ANXA6: variants seen among roughly 807,000 people sequenced by gnomAD.
ANXA6 encodes the protein annexin A6, also known as 67 kDa calelectrin.
ANXA6 carries 71 observed loss-of-function variants against 95.4 expected under a neutral mutation model. The observed-to-expected ratio is 0.74, with a 90% CI of 0.61 to 0.91. The LOEUF (loss-of-function observed/expected upper bound fraction) is 0.91. Among genes scored for constraint, ANXA6 ranks in the 40% least tolerant of loss-of-function variants. The probability of loss-of-function intolerance (pLI) is 0.00; values close to 1 mark genes in which losing one functional copy is unlikely to be tolerated. For missense variants in ANXA6, 830 were observed against 876.4 expected (o/e 0.95, Z 0.67); for synonymous variants, 289 against 315.9 (o/e 0.91, Z 0.90).
chr5:151,128,636 CA>C (rs1329235165), intron 12 of ANXA6, among the ~76,000 whole-genome samples: 1 of 152,036 alleles, frequency 6.6e-6, no homozygotes, highest in Non-Finnish European at 1.5e-5. Context: ...GTTCCATGAG[CA>C]AAAATATTGG....
intron 1 of ANXA6, among the ~76,000 whole-genome samples, chr5:151,148,440 T>C (rs954833368): frequency 3.9e-5 from 6 of 152,178 alleles, no homozygotes; most frequent in Non-Finnish European, 7.4e-5. Flanking sequence ...AACCCAGAGC[T>C]TGACCGCCTG....
At chr5:151,147,954 A>G in intron 1 of ANXA6, 28 bp from the exon 2 acceptor site, 1 of 1,580,968 alleles carries the variant, frequency 6.3e-7, no homozygotes, top group Non-Finnish European at 8.6e-7. Context: ...AGCATGTGAG[A>G]TTCCCCCCAA....
intron 2 of ANXA6, among the ~76,000 whole-genome samples, chr5:151,143,740 G>A (rs1765898397): frequency 6.6e-6 from 1 of 152,104 alleles, no homozygotes; most frequent in Non-Finnish European, 1.5e-5. Context: ...CAAGTACAGG[G>A]CCTGGAGCAA....
At chr5:151,137,658 T>C (rs1765706659) in intron 5 of ANXA6, among the ~76,000 whole-genome samples, 1 of 152,196 alleles carries the variant, frequency 6.6e-6, no homozygotes. Flanking sequence ...TTGTGAGATC[T>C]GGTTGTTTAA....
chr5:151,135,587 TCA>T (rs1354366735), intron 7 of ANXA6, among the ~76,000 whole-genome samples: 2 of 152,166 alleles, frequency 1.3e-5, no homozygotes, highest in Non-Finnish European at 2.9e-5. Context: ...GTGCCTGTGG[TCA>T]CAGAGATACC....
Position 151,134,433 on chromosome 5 carries a change from A to C in ANXA6, c.540T>G (p.Asp180Glu). The C allele has an allele frequency of 1.2e-6, 2 of 1,613,852 alleles. No individual in the cohort carries two copies. The highest frequency in any genetic ancestry group is 1.7e-6 in the Non-Finnish European group (2 of 1,179,864). Reference protein sequence around the residue: ...DVVSEDLVQQDVQDLYEAGEL... With the variant: ...DVVSEDLVQQEVQDLYEAGEL... ...TTCAGTGGTGCTTGTTTACCTGGACATCCTGTTGTACCAGGTCCTCGCTCA... is the reference window on the plus strand; with the variant it reads ...TTCAGTGGTGCTTGTTTACCTGGACCTCCTGTTGTACCAGGTCCTCGCTCA... The change falls in exon 8 of 26, where the codon GAT becomes GAG. Residue 180 changes from aspartate (D) to glutamate (E), a missense_variant. By Grantham distance (45) the Asp-to-Glu change is conservative. Coordinates refer to ENST00000354546, the MANE Select transcript of ANXA6 (RefSeq NM_001155.5).
Position 151,132,521 on chromosome 5 carries a change from G to A in ANXA6, c.691C>T (p.Arg231Ter), listed in dbSNP as rs1201228846. 7.4e-6 allele frequency: 12 copies of A among 1,613,432 alleles called. No homozygotes were observed. Among genetic ancestry groups the A allele is most frequent in the Admixed American group, 1.7e-5 (1 of 59,948 alleles). Residue 231 changes from arginine to a stop codon, truncating the protein, a stop_gained, in exon 10 of 26, where the codon CGA (arginine) becomes TGA (stop). Coordinates refer to ENST00000354546, the MANE Select transcript of ANXA6 (RefSeq NM_001155.5). LOFTEE classifies it high-confidence loss of function. The stretch of plus-strand genomic sequence containing the variant: ...TCAAAGTCCCCAGACAGCTCCCCTC[G>A]GATGCTGGCTTCAATCGGCTTCCCT... ...TTGKPIEASI[R>*]GELSGDFEKL...
intron 2 of ANXA6, 138 bp downstream of exon 2, chr5:151,147,746 C>G: frequency 3.4e-6 from 3 of 895,226 alleles, no homozygotes; most frequent in South Asian, 1.5e-5. Flanking sequence ...GTAACAGGAG[C>G]AAGCAAAGCC....
At chr5:151,103,514 A>G (rs1764606344) in intron 25 of ANXA6, 56 bp downstream of exon 25, 1 of 1,554,166 alleles carries the variant, frequency 6.4e-7, no homozygotes. Context: ...TTCTAATCTT[A>G]TATTAGGGAT....
chr5:151,139,248 G>T, intron 4 of ANXA6, 105 bp downstream of exon 4: 1 of 815,448 alleles, frequency 1.2e-6, no homozygotes, highest in Non-Finnish European at 1.9e-6. Context: ...CAGCCCACAG[G>T]CTAACCTGGA....
rs79653454 is a variant in ANXA6, at chr5:151,112,400, G to A, written c.1573-1756C>T. The stretch of plus-strand genomic sequence containing the variant: ...AGAGGGACTATGAGGGAAAGCTTTC[G>A]CATTTTTTTTATTCTTCCTGAAAAT... On this transcript the variant is annotated intron_variant, in intron 20 of 25. Transcript: ENST00000354546. Among the ~76,000 whole-genome samples, 358 of 152,170 alleles carry A rather than the reference G, an allele frequency of 2.4e-3. 1 individual carries two copies. The highest frequency in any genetic ancestry group is 0.017 in the Middle Eastern group (5 of 294).
At chr5:151,124,440 G>A (rs987378713) in intron 14 of ANXA6, 73 bp from the exon 15 acceptor site, 49 of 1,470,554 alleles carry the variant, frequency 3.3e-5, no homozygotes, top group Middle Eastern at 1.7e-4. Flanking sequence ...GACAGCATGC[G>A]AGGGTGGGAA....
Position 151,119,312 on chromosome 5 carries a change from C to T in ANXA6, c.1426G>A (p.Ala476Thr), listed in dbSNP as rs930826498. The T allele has an allele frequency of 2.5e-6, 4 of 1,613,248 alleles. No individual in the cohort carries two copies. Among genetic ancestry groups the T allele is most frequent in the South Asian group, 1.1e-5 (1 of 91,050 alleles). The part of the protein sequence containing the change: ...TNAEIRAINE[A>T]YKEDYHKSLE... ...CTCCCAAACTCACCCTCCTTATAGG[C>T]CTCATTGATGGCCCGGATTTCAGCA... The change falls in exon 18 of 26, where the codon GCC (alanine) becomes ACC (threonine). Residue 476 changes from alanine (A) to threonine (T), a missense_variant. Coordinates refer to ENST00000354546, the MANE Select transcript of ANXA6 (RefSeq NM_001155.5).
chr5:151,150,319 A>G lies in ANXA6; in HGVS notation c.-25-2393T>C, dbSNP rs115645973. On this transcript the variant is annotated intron_variant, in intron 1 of 25. Coordinates refer to ENST00000354546, the MANE Select transcript of ANXA6 (RefSeq NM_001155.5). Reference sequence around the variant, plus strand: ...GGCTTATTGCTCATTTTTGAGTTCAAGGTGATCTCAAGCACAAAACTGAAG... The same window carrying G: ...GGCTTATTGCTCATTTTTGAGTTCAGGGTGATCTCAAGCACAAAACTGAAG... Among the ~76,000 whole-genome samples the G allele has an allele frequency of 2.0e-3, 297 of 152,256 alleles. 1 individual carries two copies. The highest frequency in any genetic ancestry group is 6.8e-3 in the African/African-American group (283 of 41,546).
chr5:151,130,645 T>C (rs1280389413), intron 11 of ANXA6, among the ~76,000 whole-genome samples: 2 of 152,214 alleles, frequency 1.3e-5, no homozygotes, highest in Non-Finnish European at 2.9e-5. Flanking sequence ...GGCACACTGG[T>C]GGGCAGAGAA....
intron 6 of ANXA6, among the ~76,000 whole-genome samples, 159 bp from the exon 7 acceptor site, chr5:151,136,494 C>T (rs1765666697): frequency 6.6e-6 from 1 of 152,190 alleles, no homozygotes; most frequent in Non-Finnish European, 1.5e-5. Flanking sequence ...TTTCACAGCT[C>T]TTCGTACTGA....
chr5:151,143,519 G>A (rs1056639473), intron 2 of ANXA6, among the ~76,000 whole-genome samples: 3 of 152,090 alleles, frequency 2.0e-5, no homozygotes, highest in African/African-American at 7.2e-5. Flanking sequence ...AAGCAAGCAA[G>A]CAACATTTAC....
At chr5:151,109,073 C>T (rs186831657) in intron 22 of ANXA6, among the ~76,000 whole-genome samples, 7 of 152,236 alleles carry the variant, frequency 4.6e-5, no homozygotes, top group Admixed American at 1.3e-4. Flanking sequence ...CTGATTCCTA[C>T]GTAAGGGAGC....
chr5:151,138,663 A>G lies in ANXA6; in HGVS notation c.318+15T>C. 6.3e-7 allele frequency: 1 copy of G among 1,589,624 alleles called. No homozygotes were observed. Among genetic ancestry groups the G allele is most frequent in the South Asian group, 1.1e-5 (1 of 90,146 alleles). ...ACATCCCCACCCCAACACCACATAC[A>G]CCCCCACTTCTTACCGAGATGGCAT... On this transcript the variant is annotated intron_variant, in intron 5 of 25. Coordinates refer to ENST00000354546, the MANE Select transcript of ANXA6 (RefSeq NM_001155.5).
Sources: gnomAD v4.1 joint callset for allele counts (sites outside exome capture counted in the v4.1 genomes callset) on GRCh38, gnomAD v4.1.1 for gene constraint, MANE v1.5 for transcripts, NCBI Gene and HGNC (gene_info 2026-07-23, HGNC 2026-07-21) for gene names.